The following PTPRD variants were observed in gnomAD, a reference collection of about 807,000 sequenced individuals.
PTPRD encodes the protein receptor-type tyrosine-protein phosphatase delta.
Under a neutral mutation model 214.5 loss-of-function variants are expected in PTPRD, and 34 were observed. The observed-to-expected ratio is 0.16, with a 90% confidence interval of 0.12 to 0.21. PTPRD has a LOEUF of 0.21. Among genes scored for constraint, PTPRD ranks in the 10% least tolerant of loss-of-function variants. The pLI is 1.00. For synonymous variants in PTPRD, 1,128 were observed against 845.7 expected (o/e 1.33, Z -5.79); for missense variants, 2,545 against 2,398.7 (o/e 1.06, Z -1.27).
chr9:9,285,624 A>AT lies in PTPRD; in HGVS notation c.-202-102262dup, dbSNP rs370340709. On this transcript the variant is annotated intron_variant, in intron 9 of 45. Transcript: ENST00000381196. ...TCTAAAGCACTTGATTCTGTTGACC[A>AT]TTTTTTTAATTCTTTCTATTCTTGT... Among the ~76,000 whole-genome samples the AT allele has an allele frequency of 1.1e-3, 160 of 151,722 alleles. 1 individual carries two copies. The highest frequency in any genetic ancestry group is 3.7e-3 in the African/African-American group (153 of 41,446).
At chr9:10,305,383 C>CAA (rs532681794) in intron 3 of PTPRD, among the ~76,000 whole-genome samples, 29 of 75,856 alleles carry the variant, frequency 3.8e-4, no homozygotes, top group African/African-American at 4.5e-4. Context: ...AAAGCAATGG[C>CAA]AAAAAAAAAA....
intron 11 of PTPRD, among the ~76,000 whole-genome samples, chr9:8,812,397 G>C (rs1031997451): frequency 1.3e-5 from 2 of 152,006 alleles, no homozygotes; most frequent in East Asian, 3.9e-4. Flanking sequence ...GGAATAGTTG[G>C]GTAAAGTTTC....
At chr9:9,165,818 T>C (rs1158630457) in intron 10 of PTPRD, among the ~76,000 whole-genome samples, 1 of 152,194 alleles carries the variant, frequency 6.6e-6, no homozygotes, top group Non-Finnish European at 1.5e-5. Flanking sequence ...TTTCAATGTA[T>C]ATCAAAAGAT....
rs574680317 is a variant in PTPRD, at chr9:10,566,306, G to T, written c.-600+46092C>A. 1.6e-3 allele frequency among the ~76,000 whole-genome samples: 250 copies of T among 151,832 alleles called. 8 individuals carry two copies. In the South Asian group the frequency reaches 0.05, roughly 30 times the overall value. On this transcript the variant is annotated intron_variant, in intron 2 of 45. Coordinates refer to ENST00000381196, the MANE Select transcript of PTPRD (RefSeq NM_002839.4). ...CTATCTAGAATTTGCTGGATTGTAGGGTGTGTATATTGTCAGCTTTTCTAT... is the reference window on the plus strand; with the variant it reads ...CTATCTAGAATTTGCTGGATTGTAGTGTGTGTATATTGTCAGCTTTTCTAT...
intron 34 of PTPRD, among the ~76,000 whole-genome samples, chr9:8,441,722 T>C (rs941308939): frequency 3.9e-5 from 6 of 152,230 alleles, no homozygotes; most frequent in African/African-American, 1.2e-4. Context: ...TGGGTTCATC[T>C]ACCTCCCCTT....
At chr9:9,210,860 CT>C (rs1001674518) in intron 9 of PTPRD, among the ~76,000 whole-genome samples, 52 of 146,900 alleles carry the variant, frequency 3.5e-4, no homozygotes, top group East Asian at 2.4e-3. Flanking sequence ...ATTTTGTTTC[CT>C]TTTTTTTTTC....
chr9:9,896,786 A>G (rs186595267), intron 5 of PTPRD, among the ~76,000 whole-genome samples: 146 of 152,188 alleles, frequency 9.6e-4, no homozygotes, highest in African/African-American at 3.4e-3. Context: ...TTCAAATATA[A>G]ATATAATGTA....
chr9:10,262,754 G>C (rs2093780913), intron 3 of PTPRD, among the ~76,000 whole-genome samples: 1 of 152,132 alleles, frequency 6.6e-6, no homozygotes, highest in Admixed American at 6.5e-5. Context: ...CACAGTGAGA[G>C]TCCACAGTTT....
rs1226652383 is a variant in PTPRD at position 9,642,825 on chromosome 9, C to A, written c.-286-68044G>T. 2.6e-5 allele frequency among the ~76,000 whole-genome samples: 4 copies of A among 152,130 alleles called. No homozygotes were observed. The South Asian group carries it at 8.3e-4, about 32-fold the overall frequency. ...GGTATTATTATTTCCATTTTTCATA[C>A]AAGACAATTGGGGCTCATAGAAATT... On this transcript the variant is annotated intron_variant, in intron 7 of 45. Transcript: ENST00000381196.
chr9:8,627,355 G>A (rs1171986592), intron 14 of PTPRD, among the ~76,000 whole-genome samples: 3 of 151,746 alleles, frequency 2.0e-5, no homozygotes, highest in Non-Finnish European at 2.9e-5. Context: ...AACAAATCAT[G>A]TCAAACTCTC....
chr9:9,294,341 G>T (rs535768943), intron 9 of PTPRD, among the ~76,000 whole-genome samples: 136 of 151,810 alleles, frequency 9.0e-4, no homozygotes, highest in African/African-American at 3.1e-3. Context: ...ACTTCTGTAT[G>T]TAACCATAAA....
chr9:9,234,042 C>A (rs951650864), intron 9 of PTPRD, among the ~76,000 whole-genome samples: 2 of 152,158 alleles, frequency 1.3e-5, no homozygotes, highest in African/African-American at 4.8e-5. Context: ...GGGCTCCAAC[C>A]CCACATTTCC....
At chr9:9,423,501 C>T (rs1205421894) in intron 8 of PTPRD, among the ~76,000 whole-genome samples, 1 of 152,110 alleles carries the variant, frequency 6.6e-6, no homozygotes, top group African/African-American at 2.4e-5. Context: ...GTATGACAAC[C>T]TAGGGTAGAG....
At chr9:9,497,558 T>C (rs113061028) in intron 8 of PTPRD, among the ~76,000 whole-genome samples, 2,178 of 152,262 alleles carry the variant, frequency 0.014, 52 homozygotes, top group African/African-American at 0.05. Flanking sequence ...AATAAGGGTG[T>C]TTACGAACAA....
intron 14 of PTPRD, among the ~76,000 whole-genome samples, chr9:8,532,236 G>A (rs545271783): frequency 2.0e-5 from 3 of 152,108 alleles, no homozygotes; most frequent in African/African-American, 7.2e-5. Flanking sequence ...TTGACTGTCA[G>A]GTATTTGGCA....
At chr9:8,715,934 G>A (rs968364005) in intron 12 of PTPRD, among the ~76,000 whole-genome samples, 7 of 152,206 alleles carry the variant, frequency 4.6e-5, no homozygotes, top group African/African-American at 1.7e-4. Context: ...CTTCTACTTA[G>A]CTGCTCACTT....
chr9:9,222,497 G>T (rs2099956775), intron 9 of PTPRD, among the ~76,000 whole-genome samples: 1 of 151,858 alleles, frequency 6.6e-6, no homozygotes, highest in Non-Finnish European at 1.5e-5. Context: ...CAAAAATGTA[G>T]AGTTATGCCC....
chr9:8,415,407 G>A (rs1019053043), intron 35 of PTPRD, among the ~76,000 whole-genome samples: 10 of 152,066 alleles, frequency 6.6e-5, no homozygotes, highest in East Asian at 1.9e-4. Context: ...CAAAGTAAAC[G>A]AACTAATTTT....
chr9:8,408,089 C>A (rs1589676308), intron 35 of PTPRD, among the ~76,000 whole-genome samples: 1 of 152,316 alleles, frequency 6.6e-6, no homozygotes, highest in South Asian at 2.1e-4. Context: ...TCTCTGTTCT[C>A]AGGCTTCTCT....
Sources: allele counts gnomAD v4.1 joint callset (sites outside exome capture counted in the v4.1 genomes callset), GRCh38; gene constraint gnomAD v4.1.1; transcripts MANE v1.5; gene names NCBI Gene and HGNC (gene_info 2026-07-23, HGNC 2026-07-21).